Variants in RAB33A observed in about 807,000 individuals in gnomAD.
The protein encoded by RAB33A is ras-related protein Rab-33A.
Under a neutral mutation model 12.0 loss-of-function variants are expected in RAB33A, and 6 were observed. The ratio of observed to expected loss-of-function variants is 0.50; its 90% CI spans 0.27 to 0.99. RAB33A has a LOEUF of 0.99. Among genes scored for constraint, RAB33A ranks in the 50% least tolerant of loss-of-function variants. RAB33A has a pLI of 0.11. For missense variants in RAB33A, 109 were observed against 192.0 expected (o/e 0.57, Z 2.55); for synonymous variants, 70 against 82.4 (o/e 0.85, Z 0.81).
At chrX:130,123,763 CGAG>C in the RAB33A span, among the ~76,000 whole-genome samples, 5 of 100,209 alleles carry the variant, frequency 5.0e-5, no homozygotes, top group African/African-American at 1.8e-4. Flanking sequence ...GATTCTGAGA[CGAG>C]GAGGGAGAAT....
the RAB33A span, among the ~76,000 whole-genome samples, chrX:130,112,220 C>T: frequency 8.9e-6 from 1 of 112,108 alleles, no homozygotes; most frequent in Admixed American, 9.4e-5. Flanking sequence ...ATCAAGTCCC[C>T]AAAACAAGCA....
chrX:130,115,767 A>T, the RAB33A span, among the ~76,000 whole-genome samples: 1 of 111,731 alleles, frequency 9.0e-6, no homozygotes, highest in East Asian at 2.8e-4. Flanking sequence ...AGACTTTTGG[A>T]ATGAGGAGTG....
the RAB33A span, among the ~76,000 whole-genome samples, chrX:130,155,789 C>A: frequency 8.9e-6 from 1 of 111,860 alleles, no homozygotes; most frequent in Non-Finnish European, 1.9e-5. Flanking sequence ...TCACAGTAAA[C>A]CCTGCCAAGT....
chrX:130,139,782 A>C, the RAB33A span: 16 of 1,207,231 alleles, frequency 1.3e-5, no homozygotes, highest in Non-Finnish European at 1.7e-5. Context: ...AAAACACTAA[A>C]GCAGACAATT....
intron 1 of RAB33A, among the ~76,000 whole-genome samples, chrX:130,176,926 T>C (rs767307259): frequency 8.9e-6 from 1 of 112,596 alleles, no homozygotes; most frequent in East Asian, 2.8e-4. Context: ...AAAAGCACAT[T>C]CATGCCTCAT....
upstream of RAB33A, among the ~76,000 whole-genome samples, chrX:130,167,363 T>C (rs1453825817): frequency 8.9e-6 from 1 of 112,537 alleles, no homozygotes; most frequent in African/African-American, 3.2e-5. Flanking sequence ...ACCATGCTGT[T>C]TGTTAAATGA....
At chrX:130,143,281 C>T in the RAB33A span, among the ~76,000 whole-genome samples, 1 of 111,902 alleles carries the variant, frequency 8.9e-6, no homozygotes, top group South Asian at 3.7e-4. Flanking sequence ...TGTCCAACTG[C>T]CCAGAAGACA....
chrX:130,147,597 C>T, the RAB33A span: 1 of 1,212,081 alleles, frequency 8.3e-7, no homozygotes. Flanking sequence ...TGTACGGCAG[C>T]TCAGGATCTT....
At chrX:130,150,369 T>A in the RAB33A span, among the ~76,000 whole-genome samples, 19 of 82,267 alleles carry the variant, frequency 2.3e-4, no homozygotes, top group Non-Finnish European at 4.3e-4. Context: ...GGAGTCTCGC[T>A]CTGTTGCCCA....
the RAB33A span, among the ~76,000 whole-genome samples, chrX:130,124,936 G>A: frequency 8.9e-6 from 1 of 112,157 alleles, no homozygotes; most frequent in East Asian, 2.8e-4. Context: ...TGGTAAGGAA[G>A]CAGCAGCTAC....
In RAB33A at chrX:130,184,554, C is replaced by T. The variant is rs759554699; in HGVS notation, c.528C>T (p.Leu176=). 8.3e-6 allele frequency: 10 copies of T among 1,210,165 alleles called. No homozygotes were observed. The Admixed American group carries it at 8.8e-5, about 11-fold the overall frequency. The change falls in exon 2 of 2, where the codon CTC becomes CTT. Residue 176 remains leucine, a synonymous_variant. Coordinates refer to ENST00000257017, the MANE Select transcript of RAB33A (RefSeq NM_004794.3). ...AATTTGCTGATGCCCACAACATGCT[C>T]TTGTTTGAGACATCGGCCAAGGACC... ...ALKFADAHNM[L]LFETSAKDPK...
chrX:130,146,730 C>G, the RAB33A span, among the ~76,000 whole-genome samples: 1 of 111,091 alleles, frequency 9.0e-6, no homozygotes, highest in Non-Finnish European at 1.9e-5. Context: ...GTCTGTCGTG[C>G]AAAAATTCTA....
intron 1 of RAB33A, among the ~76,000 whole-genome samples, chrX:130,182,139 C>CAAAAAAAAA (rs1188540923): frequency 1.6e-4 from 5 of 30,496 alleles, no homozygotes; most frequent in African/African-American, 7.2e-4. Context: ...TCTGTCTCTA[C>CAAAAAAAAA]AAAAAAAAAA....
chrX:130,144,672 T>C, the RAB33A span, among the ~76,000 whole-genome samples: 2 of 111,912 alleles, frequency 1.8e-5, no homozygotes, highest in South Asian at 7.5e-4. Context: ...TTCCCAGTAT[T>C]TCCCACAACA....
Position 130,184,804 on chromosome X carries a change from C to T in RAB33A, c.*64C>T. On this transcript the variant is annotated 3_prime_UTR_variant, in exon 2 of 2. Transcript: ENST00000257017. ...GTTTTTTCTTTCCCTTTTTTCTGTG[C>T]CTGCATAATGCTGACACCTGCTTGT... The T allele has an allele frequency of 3.0e-6, 3 of 991,031 alleles. No homozygotes were observed. The highest frequency in any genetic ancestry group is 4.2e-6 in the Non-Finnish European group (3 of 721,703). 81.7% of individuals were successfully genotyped at this position (991,031 alleles called of 1,213,427 possible). A position where few individuals can be genotyped will look rare whatever the true frequency, so the allele number is the denominator to read the frequency against.
chrX:130,121,242 CTTTTCTTTTCTTTTTTTTT>C, the RAB33A span, among the ~76,000 whole-genome samples: 10 of 106,504 alleles, frequency 9.4e-5, no homozygotes, highest in Non-Finnish European at 1.7e-4. Flanking sequence ...TCTTTTTTTT[CTTTTCTTTTCTTTTTTTTT>C]TTTTTTTTGG....
At position 130,184,749 on chromosome X, in the gene RAB33A, G is replaced by C. The variant is rs369467343; in HGVS notation, c.*9G>C. 8.3e-7 allele frequency: 1 copy of C among 1,198,257 alleles called. No homozygotes were observed. The highest frequency in any genetic ancestry group is 2.2e-5 in the Admixed American group (1 of 45,362). ...CTTCCTGTCCTTGTTGAAACCAAAC[G>C]ATATAAATACAAGATAAATTATCAC... On this transcript the variant is annotated 3_prime_UTR_variant, in exon 2 of 2. Coordinates refer to ENST00000257017, the MANE Select transcript of RAB33A (RefSeq NM_004794.3).
chrX:130,165,567 C>A, the RAB33A span: 1 of 1,196,283 alleles, frequency 8.4e-7, no homozygotes, highest in Admixed American at 2.3e-5. Context: ...GCCGGTTCCT[C>A]TGCCTCGGGC....
In RAB33A at chrX:130,172,035, G is replaced by A. The variant is rs2031614379; in HGVS notation, c.-28G>A. 1 of 1,188,537 alleles carries A rather than the reference G, an allele frequency of 8.4e-7. No homozygotes were observed. The highest frequency in any genetic ancestry group is 1.1e-6 in the Non-Finnish European group (1 of 885,487). On this transcript the variant is annotated 5_prime_UTR_variant, in exon 1 of 2. Coordinates refer to ENST00000257017, the MANE Select transcript of RAB33A (RefSeq NM_004794.3). The stretch of plus-strand genomic sequence containing the variant: ...TCTTTGTGTGGAGCCCTCAAGGGGG[G>A]TTGGGGCCCCGGTTCGGTCCGGGGG...
Sources: gnomAD v4.1 joint callset for allele counts (sites outside exome capture counted in the v4.1 genomes callset) on GRCh38, gnomAD v4.1.1 for gene constraint, MANE v1.5 for transcripts, NCBI Gene and HGNC (gene_info 2026-07-23, HGNC 2026-07-21) for gene names.